CDH9: variants seen among roughly 807,000 people sequenced by gnomAD.
CDH9 encodes cadherin-9.
In CDH9, 28 loss-of-function variants were observed where a neutral mutation model predicts 70.9. That is an observed-to-expected ratio of 0.40 (90% confidence interval 0.29 to 0.54). The LOEUF is 0.54. Ranked by LOEUF, CDH9 falls within the 20% of genes least tolerant of loss-of-function variation. CDH9 has a pLI of 0.59. For synonymous variants in CDH9, 409 were observed against 343.1 expected (o/e 1.19, Z -2.12); for missense variants, 874 against 984.4 (o/e 0.89, Z 1.50).
intron 2 of CDH9, among the ~76,000 whole-genome samples, chr5:26,933,157 A>C (rs1448528020): frequency 6.8e-6 from 1 of 147,644 alleles, no homozygotes; most frequent in Admixed American, 6.8e-5. Context: ...AATATATATA[A>C]TTAATAAATA....
chr5:27,001,354 G>A (rs903389859), intron 1 of CDH9, among the ~76,000 whole-genome samples: 3 of 152,060 alleles, frequency 2.0e-5, no homozygotes, highest in African/African-American at 7.2e-5. Context: ...TTTTCCGCAA[G>A]GGTATGTTTT....
At chr5:26,918,939 C>A (rs79547551) in intron 2 of CDH9, among the ~76,000 whole-genome samples, 17,140 of 152,088 alleles carry the variant, frequency 0.11, 1,626 homozygotes, top group East Asian at 0.49. Flanking sequence ...TTATGTGTCT[C>A]TGGAGAATCC....
At chr5:26,946,636 A>T (rs73073550) in intron 2 of CDH9, among the ~76,000 whole-genome samples, 1 of 152,142 alleles carries the variant, frequency 6.6e-6, no homozygotes, top group Non-Finnish European at 1.5e-5. Flanking sequence ...GAAGAAAGTA[A>T]TTTTTAAAAG....
intron 1 of CDH9, among the ~76,000 whole-genome samples, chr5:27,002,305 C>G (rs1210045258): frequency 6.6e-6 from 1 of 152,150 alleles, no homozygotes; most frequent in Non-Finnish European, 1.5e-5. Flanking sequence ...AATAGGAACA[C>G]TTTTACACTG....
Position 26,881,114 on chromosome 5 carries a change from T to C in CDH9, c.*22A>G, listed in dbSNP as rs776385509. ...AACATAGACAGTACTTCCACTAATA[T>C]TGATTAAGTCAAACAATCCTCTTAG... On this transcript the variant is annotated 3_prime_UTR_variant, in exon 12 of 12. Transcript: ENST00000231021. The C allele has an allele frequency of 6.4e-6, 10 of 1,570,060 alleles. No homozygotes were observed. Among genetic ancestry groups the C allele is most frequent in the Non-Finnish European group, 8.6e-6 (10 of 1,158,526 alleles).
At chr5:26,896,144 G>A (rs1301822445) in intron 7 of CDH9, among the ~76,000 whole-genome samples, 1 of 151,848 alleles carries the variant, frequency 6.6e-6, no homozygotes, top group Non-Finnish European at 1.5e-5. Context: ...ATTATTTCTA[G>A]GACTTGAGTA....
intron 7 of CDH9, among the ~76,000 whole-genome samples, chr5:26,899,266 T>C (rs1358555180): frequency 6.6e-6 from 1 of 152,156 alleles, no homozygotes; most frequent in Non-Finnish European, 1.5e-5. Flanking sequence ...GTGTGGTGAT[T>C]CCTCAAGGAT....
chr5:26,893,503 G>A (rs920040142), intron 7 of CDH9, among the ~76,000 whole-genome samples: 4 of 151,970 alleles, frequency 2.6e-5, no homozygotes, highest in African/African-American at 7.3e-5. Context: ...AATCGTTATT[G>A]TAATCTTTTC....
At chr5:27,033,070 T>C (rs1743336073) in intron 1 of CDH9, among the ~76,000 whole-genome samples, 1 of 151,232 alleles carries the variant, frequency 6.6e-6, no homozygotes, top group African/African-American at 2.4e-5. Context: ...TAATTATTTC[T>C]AGATACAGTT....
chr5:26,980,269 T>C, intron 2 of CDH9, among the ~76,000 whole-genome samples: 1 of 151,958 alleles, frequency 6.6e-6, no homozygotes, highest in East Asian at 1.9e-4. Context: ...TAGATTTGCC[T>C]AGTCACTCAC....
At chr5:26,922,767 A>C (rs935829644) in intron 2 of CDH9, among the ~76,000 whole-genome samples, 2 of 152,038 alleles carry the variant, frequency 1.3e-5, no homozygotes, top group African/African-American at 4.8e-5. Flanking sequence ...AGATAAAAAC[A>C]ACCAATTAAA....
chr5:27,033,455 T>C (rs1411710916), intron 1 of CDH9, among the ~76,000 whole-genome samples: 1 of 141,798 alleles, frequency 7.1e-6, no homozygotes, highest in Non-Finnish European at 1.6e-5. Context: ...GATATAAAGA[T>C]ATAAAGACAT....
chr5:26,924,766 T>C (rs1741307517), intron 2 of CDH9, among the ~76,000 whole-genome samples: 3 of 152,050 alleles, frequency 2.0e-5, no homozygotes, highest in African/African-American at 7.2e-5. Flanking sequence ...AATGTTCTCA[T>C]TGTTCAGTTC....
chr5:26,985,169 G>A (rs1742467666), intron 2 of CDH9, among the ~76,000 whole-genome samples: 1 of 152,044 alleles, frequency 6.6e-6, no homozygotes, highest in Non-Finnish European at 1.5e-5. Flanking sequence ...TATCCTATTA[G>A]ACCAGCCTCT....
chr5:27,006,793 C>CA (rs533733860), intron 1 of CDH9, among the ~76,000 whole-genome samples: 3 of 151,784 alleles, frequency 2.0e-5, no homozygotes, highest in Non-Finnish European at 4.4e-5. Context: ...ATGAAGTCAT[C>CA]AAAAAATCTA....
chr5:26,946,822 C>T (rs1388680202), intron 2 of CDH9, among the ~76,000 whole-genome samples: 1 of 152,070 alleles, frequency 6.6e-6, no homozygotes, highest in African/African-American at 2.4e-5. Context: ...GAATAAGTAG[C>T]TGTAGGTCAA....
intron 7 of CDH9, among the ~76,000 whole-genome samples, chr5:26,894,494 C>A (rs541253790): frequency 6.6e-5 from 10 of 152,196 alleles, no homozygotes; most frequent in African/African-American, 2.4e-4. Flanking sequence ...ACAGACGATA[C>A]AGAAATAGCT....
At chr5:26,900,329 G>A (rs1740832066) in intron 7 of CDH9, among the ~76,000 whole-genome samples, 1 of 151,974 alleles carries the variant, frequency 6.6e-6, no homozygotes, top group South Asian at 2.1e-4. Context: ...ATATCCTACT[G>A]TATTCTATGA....
intron 2 of CDH9, among the ~76,000 whole-genome samples, chr5:26,962,907 C>T (rs1476034711): frequency 1.3e-5 from 2 of 152,080 alleles, no homozygotes; most frequent in South Asian, 4.1e-4. Context: ...ATTAGTTTAT[C>T]AATTTTTAAA....
Sources: allele counts gnomAD v4.1 joint callset (sites outside exome capture counted in the v4.1 genomes callset), GRCh38; gene constraint gnomAD v4.1.1; transcripts MANE v1.5; gene names NCBI Gene and HGNC (gene_info 2026-07-23, HGNC 2026-07-21).